Variants in SKIC3 observed in about 807,000 individuals in gnomAD.
SKIC3 encodes SKI3 subunit of superkiller complex, also known as superkiller complex protein 3.
the SKIC3 span, chr5:95,522,110 A>G: frequency 1.2e-6 from 2 of 1,613,792 alleles, no homozygotes; most frequent in Non-Finnish European, 1.7e-6. Flanking sequence ...GTATTGAGCT[A>G]CAGCCTCCTT....
At chr5:95,522,036 C>A in the SKIC3 span, 2 of 1,612,838 alleles carry the variant, frequency 1.2e-6, no homozygotes, top group Non-Finnish European at 1.7e-6. Flanking sequence ...GTCAAAGGAG[C>A]TACTAAAAAT....
chr5:95,485,185 C>T, the SKIC3 span, among the ~76,000 whole-genome samples: 51 of 152,294 alleles, frequency 3.3e-4, 1 homozygote, highest in Admixed American at 3.3e-3. Flanking sequence ...TGATATTTGA[C>T]ATGTATATCA....
the SKIC3 span, chr5:95,469,848 C>T: frequency 1.1e-4 from 176 of 1,614,180 alleles, no homozygotes; most frequent in African/African-American, 2.0e-3. Flanking sequence ...AAAAGCAAAG[C>T]TTCAAGGCCT....
chr5:95,471,810 A>C, the SKIC3 span, among the ~76,000 whole-genome samples: 2 of 152,128 alleles, frequency 1.3e-5, no homozygotes, highest in African/African-American at 4.8e-5. Flanking sequence ...TCTTTTTCTC[A>C]ATCTGGCTTT....
chr5:95,513,353 A>G, the SKIC3 span: 17 of 508,602 alleles, frequency 3.3e-5, no homozygotes, highest in Middle Eastern at 5.5e-4. Context: ...ACAGGTATAC[A>G]CCATCATACC....
chr5:95,486,915 C>T, the SKIC3 span, among the ~76,000 whole-genome samples: 3 of 152,018 alleles, frequency 2.0e-5, no homozygotes, highest in African/African-American at 4.8e-5. Context: ...CCTACCCAGC[C>T]GAATTGTGAT....
the SKIC3 span, among the ~76,000 whole-genome samples, chr5:95,533,881 T>C: frequency 1.3e-5 from 2 of 152,218 alleles, no homozygotes; most frequent in Admixed American, 1.3e-4. Context: ...AGGACAAGTC[T>C]ACATTATAGG....
the SKIC3 span, chr5:95,540,840 AAGG>A: frequency 5.0e-6 from 8 of 1,613,480 alleles, no homozygotes; most frequent in Admixed American, 1.2e-4. Flanking sequence ...CCTATTAAAG[AAGG>A]AGATTTTAAA....
chr5:95,489,624 A>G, the SKIC3 span, among the ~76,000 whole-genome samples: 1 of 152,080 alleles, frequency 6.6e-6, no homozygotes. Flanking sequence ...AAAACACAGA[A>G]AAATAGTTGG....
the SKIC3 span, chr5:95,523,637 A>C: frequency 5.8e-5 from 94 of 1,611,512 alleles, no homozygotes; most frequent in African/African-American, 1.2e-3. Context: ...AAAAAGCAAA[A>C]GTGATTATTA....
the SKIC3 span, chr5:95,524,415 A>AT: frequency 6.2e-7 from 1 of 1,608,218 alleles, no homozygotes; most frequent in East Asian, 2.2e-5. Context: ...ATTATTTATG[A>AT]TTTTATAATG....
At chr5:95,472,807 G>A in the SKIC3 span, among the ~76,000 whole-genome samples, 2 of 152,126 alleles carry the variant, frequency 1.3e-5, no homozygotes, top group Non-Finnish European at 2.9e-5. Flanking sequence ...CCATGTTTAT[G>A]TTCACGTGTG....
the SKIC3 span, among the ~76,000 whole-genome samples, chr5:95,500,735 A>T: frequency 6.6e-6 from 1 of 152,194 alleles, no homozygotes; most frequent in Non-Finnish European, 1.5e-5. Context: ...ATGGCAATGT[A>T]GGAAAGATAT....
the SKIC3 span, among the ~76,000 whole-genome samples, chr5:95,487,865 A>G: frequency 1.3e-5 from 2 of 152,286 alleles, no homozygotes; most frequent in South Asian, 2.1e-4. Flanking sequence ...ATCCTAGGGG[A>G]AAAATTCAAA....
At chr5:95,513,738 C>A in the SKIC3 span, 1 of 1,242,376 alleles carries the variant, frequency 8.0e-7, no homozygotes. Flanking sequence ...CAAAGGTTTA[C>A]TAGCTGAGCT....
the SKIC3 span, among the ~76,000 whole-genome samples, chr5:95,518,265 T>C: frequency 2.0e-5 from 3 of 152,108 alleles, no homozygotes; most frequent in East Asian, 5.8e-4. Context: ...CAGATCAGGG[T>C]AATTAGCATA....
At chr5:95,477,645 T>C in the SKIC3 span, among the ~76,000 whole-genome samples, 4 of 152,234 alleles carry the variant, frequency 2.6e-5, no homozygotes, top group Admixed American at 1.3e-4. Context: ...ATATTTCTTA[T>C]ATATGTTTCC....
chr5:95,490,487 T>TAC, the SKIC3 span, among the ~76,000 whole-genome samples: 1 of 139,586 alleles, frequency 7.2e-6, no homozygotes, highest in African/African-American at 2.8e-5. Context: ...CATAAAAATA[T>TAC]ACATATATAT....
At chr5:95,541,773 C>G in the SKIC3 span, 2 of 1,401,264 alleles carry the variant, frequency 1.4e-6, no homozygotes, top group Non-Finnish European at 2.0e-6. Context: ...TATTAAAATT[C>G]AAGCTTTGAA....
Sources: allele counts gnomAD v4.1 joint callset (sites outside exome capture counted in the v4.1 genomes callset), GRCh38; gene constraint gnomAD v4.1.1; transcripts MANE v1.5; gene names NCBI Gene and HGNC (gene_info 2026-07-23, HGNC 2026-07-21).